The following PRKAR2B variants were observed in gnomAD, a reference collection of about 807,000 sequenced individuals.
The protein encoded by PRKAR2B is cAMP-dependent protein kinase type II-beta regulatory subunit.
In PRKAR2B, 14 loss-of-function variants were observed where a neutral mutation model predicts 49.9. That is an observed-to-expected ratio of 0.28 (90% CI 0.19 to 0.44). The LOEUF (loss-of-function observed/expected upper bound fraction) is 0.44, where lower values mean the gene tolerates loss of function less well. PRKAR2B is among the 20% of genes least tolerant of loss of function. The pLI is 1.00. For missense variants in PRKAR2B, 393 were observed against 537.9 expected, an observed-to-expected ratio of 0.73 and a Z score of 2.67; for synonymous variants, 196 against 197.7, an observed-to-expected ratio of 0.99 and a Z score of 0.07.
At chr7:107,064,868 G>C (rs1794103254) in intron 1 of PRKAR2B, among the ~76,000 whole-genome samples, 2 of 152,266 alleles carry the variant, frequency 1.3e-5, no homozygotes, top group South Asian at 4.1e-4. Flanking sequence ...TTAAAAGTTT[G>C]CAAGTTGTGT....
intron 2 of PRKAR2B, among the ~76,000 whole-genome samples, chr7:107,073,662 A>G (rs1388138084): frequency 6.6e-6 from 1 of 152,222 alleles, no homozygotes; most frequent in Non-Finnish European, 1.5e-5. Flanking sequence ...TTATTTTTAA[A>G]CAGTACCTCA....
chr7:107,112,873 G>T (rs1795201724), intron 2 of PRKAR2B, among the ~76,000 whole-genome samples: 1 of 151,896 alleles, frequency 6.6e-6, no homozygotes, highest in African/African-American at 2.4e-5. Flanking sequence ...AATTTTTTTA[G>T]ACTTCTGATA....
At chr7:107,099,930 G>A (rs940921487) in intron 2 of PRKAR2B, among the ~76,000 whole-genome samples, 13 of 152,086 alleles carry the variant, frequency 8.5e-5, no homozygotes, top group Admixed American at 3.3e-4. Flanking sequence ...CACCGTGCCC[G>A]GCCAGTCCTG....
intron 4 of PRKAR2B, among the ~76,000 whole-genome samples, chr7:107,139,539 C>A (rs1391506034): frequency 6.6e-6 from 1 of 152,194 alleles, no homozygotes. Context: ...GTGTCTCAGT[C>A]CCATGCTGGC....
At chr7:107,099,567 C>T (rs543674320) in intron 2 of PRKAR2B, among the ~76,000 whole-genome samples, 8 of 152,202 alleles carry the variant, frequency 5.3e-5, no homozygotes, top group South Asian at 2.1e-4. Context: ...AGAAATCACC[C>T]GTCTTCTGCG....
chr7:107,118,229 CAA>C (rs1795315580), intron 2 of PRKAR2B, among the ~76,000 whole-genome samples: 1 of 152,148 alleles, frequency 6.6e-6, no homozygotes, highest in East Asian at 1.9e-4. Context: ...GTGAGTAAGA[CAA>C]AAGGCTCTCA....
chr7:107,126,420 C>CAAAAAAAA lies in PRKAR2B; in HGVS notation c.397-1776_397-1769dup, dbSNP rs35682952. On this transcript the variant is annotated intron_variant, in intron 3 of 10. Transcript: ENST00000265717. ...TGGGCAACAGAGTGAGAATCTGTCT[C>CAAAAAAAA]AAAAAAAAAAAAAAAAAAAAAAAGT... Among the ~76,000 whole-genome samples, 79 of 38,402 alleles carry CAAAAAAAA rather than the reference C, an allele frequency of 2.1e-3. 2 individuals carry two copies. Among genetic ancestry groups the CAAAAAAAA allele is most frequent in the African/African-American group, 6.5e-3 (62 of 9,546 alleles). 25.2% of individuals were successfully genotyped at this position (38,402 alleles called of 152,430 possible). A position where few individuals can be genotyped will look rare whatever the true frequency, so the allele number is the denominator to read the frequency against.
At chr7:107,145,817 G>C (rs1032195366) in intron 5 of PRKAR2B, among the ~76,000 whole-genome samples, 1 of 141,236 alleles carries the variant, frequency 7.1e-6, no homozygotes, top group Admixed American at 7.7e-5. Context: ...TCGGCTCACT[G>C]CAACCTCCGT....
rs548610465 is a variant in PRKAR2B at position 107,075,663 on chromosome 7, G to A, written c.343+5347G>A. Reference sequence around the variant, plus strand: ...GATCCACCTGCCTCAGCCTCCCAAAGTGCTGTGATTATAGGTGTTGGATGA... The same window carrying A: ...GATCCACCTGCCTCAGCCTCCCAAAATGCTGTGATTATAGGTGTTGGATGA... On this transcript the variant is annotated intron_variant, in intron 2 of 10. Coordinates refer to ENST00000265717, the MANE Select transcript of PRKAR2B (RefSeq NM_002736.3). 4.5e-4 allele frequency among the ~76,000 whole-genome samples: 69 copies of A among 152,172 alleles called. No homozygotes were observed. In the South Asian group the frequency reaches 0.011, roughly 24 times the overall value.
chr7:107,136,674 A>C (rs1227427944), intron 4 of PRKAR2B, among the ~76,000 whole-genome samples: 1 of 152,256 alleles, frequency 6.6e-6, no homozygotes, highest in Non-Finnish European at 1.5e-5. Context: ...GCTGGTGAAC[A>C]TAGGTGGTTC....
chr7:107,161,566 A>C lies in PRKAR2B; in HGVS notation c.*1984A>C, dbSNP rs984362566. The C allele has an allele frequency of 2.6e-5, 4 of 152,622 alleles. No individual in the cohort carries two copies. The highest frequency in any genetic ancestry group is 9.7e-5 in the African/African-American group (4 of 41,446). The allele number at this position is 152,622 out of a possible 1,614,324, so 9.5% of individuals were successfully genotyped here. On this transcript the variant is annotated 3_prime_UTR_variant, in exon 11 of 11. Transcript: ENST00000265717. ...TCTTTAAAGTTTTCTGACGTGCATA[A>C]TGCATAATTCATTGAAAAGCATGAT... is the stretch of plus-strand genomic sequence containing the variant.
chr7:107,138,552 A>G (rs533028700), intron 4 of PRKAR2B, among the ~76,000 whole-genome samples: 2 of 141,394 alleles, frequency 1.4e-5, no homozygotes, highest in Admixed American at 7.1e-5. Flanking sequence ...AGTAGCTGAG[A>G]CTACTCATTT....
chr7:107,129,719 C>T (rs995922695), intron 4 of PRKAR2B, among the ~76,000 whole-genome samples: 18 of 152,100 alleles, frequency 1.2e-4, no homozygotes, highest in African/African-American at 4.3e-4. Context: ...CTGCTGGTTG[C>T]CCATTTTTAT....
chr7:107,068,139 CT>C (rs1794189670), intron 1 of PRKAR2B, among the ~76,000 whole-genome samples: 1 of 152,150 alleles, frequency 6.6e-6, no homozygotes, highest in Non-Finnish European at 1.5e-5. Context: ...GCGATGCCAC[CT>C]TTGTGGAAAA....
intron 4 of PRKAR2B, among the ~76,000 whole-genome samples, chr7:107,132,016 A>C (rs142160868): frequency 7.9e-5 from 12 of 152,324 alleles, no homozygotes; most frequent in African/African-American, 2.9e-4. Context: ...GTTTAATGAG[A>C]GTACAAACAC....
intron 3 of PRKAR2B, 41 bp from the exon 4 acceptor site, chr7:107,128,171 T>C (rs1323838409): frequency 7.8e-7 from 1 of 1,284,066 alleles, no homozygotes; most frequent in East Asian, 2.3e-5. Flanking sequence ...TGAGATGGTA[T>C]TGGCTAATGT....
At chr7:107,135,090 G>A (rs74480087) in intron 4 of PRKAR2B, among the ~76,000 whole-genome samples, 4,037 of 151,914 alleles carry the variant, frequency 0.027, 83 homozygotes, top group Non-Finnish European at 0.042. Flanking sequence ...TAAAGATCTA[G>A]TATCCAAAAT....
intron 1 of PRKAR2B, among the ~76,000 whole-genome samples, chr7:107,047,065 A>C (rs1480679877): frequency 6.6e-6 from 1 of 152,186 alleles, no homozygotes; most frequent in Non-Finnish European, 1.5e-5. Flanking sequence ...CTTTGCTGTA[A>C]AAATTGCTCA....
chr7:107,144,770 C>A (rs1283805457), intron 5 of PRKAR2B, among the ~76,000 whole-genome samples: 3 of 132,324 alleles, frequency 2.3e-5, no homozygotes, highest in South Asian at 5.1e-4. Context: ...TAATAATTTT[C>A]TAATGTTAAA....
Sources: gnomAD v4.1 joint callset for allele counts (sites outside exome capture counted in the v4.1 genomes callset) on GRCh38, gnomAD v4.1.1 for gene constraint, MANE v1.5 for transcripts, NCBI Gene and HGNC (gene_info 2026-07-23, HGNC 2026-07-21) for gene names.